The following ADGRG3 variants were observed in gnomAD, a reference collection of about 807,000 sequenced individuals.
The protein encoded by ADGRG3 is G protein-coupled receptor 97.
A neutral mutation model predicts 54.3 loss-of-function variants in ADGRG3; 39 were observed. The ratio of observed to expected loss-of-function variants is 0.72; its 90% confidence interval spans 0.56 to 0.94. The LOEUF is 0.94. ADGRG3 is among the 40% of genes least tolerant of loss of function. ADGRG3 has a pLI of 0.00. For missense variants in ADGRG3, 654 were observed against 694.6 expected, an observed-to-expected ratio of 0.94 and a Z score of 0.66; for synonymous variants, 312 against 290.0, an observed-to-expected ratio of 1.08 and a Z score of -0.77.
intron 8 of ADGRG3, chr16:57,682,724 T>C: frequency 1.3e-6 from 1 of 770,334 alleles, no homozygotes; most frequent in Non-Finnish European, 1.6e-6. Context: ...GAATTCAGAG[T>C]GGGGGCTCCA....
At position 57,684,222 on chromosome 16, in the gene ADGRG3, G is replaced by T; in HGVS notation, c.1162+10G>T. 3 of 1,609,498 alleles carry T rather than the reference G, an allele frequency of 1.9e-6. No homozygotes were observed. Among genetic ancestry groups the T allele is most frequent in the South Asian group, 2.2e-5 (2 of 90,424 alleles). On this transcript the variant is annotated intron_variant, in intron 9 of 11. Transcript: ENST00000333493. Reference sequence around the variant, plus strand: ...AGCCTGGTGGGCTGGGGTAGGTGCTGCCTGGATGGACAGAATAAACGGCCG... The same window carrying T: ...AGCCTGGTGGGCTGGGGTAGGTGCTTCCTGGATGGACAGAATAAACGGCCG...
chr16:57,668,165 C>T, upstream of ADGRG3: 1 of 604,152 alleles, frequency 1.7e-6, no homozygotes, highest in Non-Finnish European at 2.9e-6. Context: ...GAGCACTGCC[C>T]AGTTCCCCAC....
intron 2 of ADGRG3, among the ~76,000 whole-genome samples, chr16:57,675,474 C>CA (rs1458197871): frequency 6.6e-6 from 1 of 151,880 alleles, no homozygotes; most frequent in Non-Finnish European, 1.5e-5. Flanking sequence ...ACTAAAAATA[C>CA]AAAAAAATTA....
upstream of ADGRG3, among the ~76,000 whole-genome samples, chr16:57,667,672 G>T (rs747930431): frequency 6.6e-6 from 1 of 152,138 alleles, no homozygotes; most frequent in African/African-American, 2.4e-5. Flanking sequence ...CCCCGGGGCC[G>T]CACTGCTGTC....
chr16:57,687,536 G>A (rs2048497200), intron 11 of ADGRG3, among the ~76,000 whole-genome samples: 1 of 152,158 alleles, frequency 6.6e-6, no homozygotes, highest in Non-Finnish European at 1.5e-5. Flanking sequence ...ACAGGCGTGA[G>A]CCACTGTGCC....
chr16:57,685,656 G>A lies in ADGRG3; in HGVS notation c.1270G>A (p.Glu424Lys). 1 of 1,613,958 alleles carries A rather than the reference G, an allele frequency of 6.2e-7. No individual in the cohort carries two copies. Among genetic ancestry groups the A allele is most frequent in the Non-Finnish European group, 8.5e-7 (1 of 1,179,842 alleles). Residue 424 changes from glutamate (E) to lysine (K), a missense_variant, in exon 11 of 12, where the codon GAA becomes AAA. Transcript: ENST00000333493. ...RTSLELCWFR[E>K]GTTMYALYIT... ...CCCCTCCTCCAGATGCTGGTTCCGT[G>A]AAGGGACAACCATGTACGCCCTCTA...
At chr16:57,670,563 C>G (rs1471352342) in intron 1 of ADGRG3, among the ~76,000 whole-genome samples, 1 of 152,022 alleles carries the variant, frequency 6.6e-6, no homozygotes, top group African/African-American at 2.4e-5. Context: ...TGTCTTCTTC[C>G]TCCTCTCCCT....
intron 8 of ADGRG3, among the ~76,000 whole-genome samples, chr16:57,683,061 C>CA: frequency 6.6e-6 from 1 of 152,328 alleles, no homozygotes; most frequent in East Asian, 1.9e-4. Context: ...AGGAAACCTC[C>CA]AAGGGGCATT....
chr16:57,669,087 T>C (rs1235281638), intron 1 of ADGRG3, among the ~76,000 whole-genome samples: 1 of 152,202 alleles, frequency 6.6e-6, no homozygotes, highest in Non-Finnish European at 1.5e-5. Context: ...TTTACCCTTC[T>C]TGGCCTCTGT....
At chr16:57,680,819 C>T (rs28406936) in intron 8 of ADGRG3, among the ~76,000 whole-genome samples, 43,087 of 152,058 alleles carry the variant, frequency 0.28, 7,517 homozygotes, top group African/African-American at 0.49. Context: ...CTCAAATTGG[C>T]TTAAACATAA....
At chr16:57,679,684 G>A (rs2048327710) in intron 5 of ADGRG3, 132 bp from the exon 6 acceptor site, 6 of 784,904 alleles carry the variant, frequency 7.6e-6, no homozygotes, top group Non-Finnish European at 1.4e-5. Flanking sequence ...TGTGGCCCAT[G>A]GGTGTGAACC....
chr16:57,687,245 A>G (rs1597784272), intron 11 of ADGRG3, among the ~76,000 whole-genome samples: 1 of 137,012 alleles, frequency 7.3e-6, no homozygotes. Context: ...TACTTATCTC[A>G]CCAGCTTTTT....
At chr16:57,687,600 G>T (rs1480366222) in intron 11 of ADGRG3, among the ~76,000 whole-genome samples, 3 of 152,156 alleles carry the variant, frequency 2.0e-5, no homozygotes, top group African/African-American at 7.2e-5. Flanking sequence ...GGAACTACTA[G>T]GTCTTCAATA....
chr16:57,680,695 G>C, intron 8 of ADGRG3, 78 bp downstream of exon 8: 2 of 975,444 alleles, frequency 2.1e-6, no homozygotes, highest in Non-Finnish European at 3.3e-6. Context: ...GAAGCATTCA[G>C]GTTGTGCAGC....
At chr16:57,683,432 A>C (rs1325196768) in intron 8 of ADGRG3, among the ~76,000 whole-genome samples, 1 of 152,118 alleles carries the variant, frequency 6.6e-6, no homozygotes, top group Non-Finnish European at 1.5e-5. Flanking sequence ...CTCTAATGTA[A>C]ATGCCCATCT....
In ADGRG3 at chr16:57,688,626, G is replaced by C; in HGVS notation, c.*165G>C. On this transcript the variant is annotated 3_prime_UTR_variant, in exon 12 of 12. Coordinates refer to ENST00000333493, the MANE Select transcript of ADGRG3 (RefSeq NM_170776.5). ...CACGTGGCATCAGAGGTCCCATCCA[G>C]ATCCAACTATAGGTCCAAGAGTCCA... 1 of 626,486 alleles carries C rather than the reference G, an allele frequency of 1.6e-6. No homozygotes were observed. The highest frequency in any genetic ancestry group is 2.5e-5 in the Admixed American group (1 of 39,918). 38.8% of individuals were successfully genotyped at this position (626,486 alleles called of 1,614,324 possible).
Position 57,684,398 on chromosome 16 carries a change from G to T in ADGRG3, c.1171G>T (p.Ala391Ser), listed in dbSNP as rs746345577. The T allele has an allele frequency of 1.9e-6, 3 of 1,613,426 alleles. No individual in the cohort carries two copies. Among genetic ancestry groups the T allele is most frequent in the African/African-American group, 2.7e-5 (2 of 74,852 alleles). Residue 391 changes from alanine (A) to serine (S), a missense_variant, in exon 10 of 12, where the codon GCC (alanine) becomes TCC (serine). Transcript: ENST00000333493. ...TTTCCCCTTGTGCCCAGGCCTGCCC[G>T]CCCTGATGGTCATCGGCACTGGGAG... is the stretch of plus-strand genomic sequence containing the variant. ...KLSLVGWGLP[A>S]LMVIGTGSAN...
intron 10 of ADGRG3, 62 bp from the exon 11 acceptor site, chr16:57,685,581 T>C: frequency 6.5e-7 from 1 of 1,527,190 alleles, no homozygotes; most frequent in Admixed American, 1.7e-5. Flanking sequence ...GCCAGGGGAC[T>C]TCCTGGGTTT....
At chr16:57,680,438 T>C in intron 7 of ADGRG3, 67 bp from the exon 8 acceptor site, 1 of 1,563,270 alleles carries the variant, frequency 6.4e-7, no homozygotes, top group South Asian at 1.1e-5. Context: ...GGGGGCTGCC[T>C]GGTGGTCTTT....
Sources: allele counts gnomAD v4.1 joint callset (sites outside exome capture counted in the v4.1 genomes callset), GRCh38; gene constraint gnomAD v4.1.1; transcripts MANE v1.5; gene names NCBI Gene and HGNC (gene_info 2026-07-23, HGNC 2026-07-21).